Variants in SMIM18 observed in about 807,000 individuals in gnomAD.
The protein encoded by SMIM18 is small integral membrane protein 18.
In SMIM18, 4 loss-of-function variants were observed where a neutral mutation model predicts 5.9. That is an observed-to-expected ratio of 0.68 (90% CI 0.33 to 1.56). The LOEUF (loss-of-function observed/expected upper bound fraction) is 1.56, where lower values mean the gene tolerates loss of function less well. Ranked by LOEUF, SMIM18 falls within the 40% of genes most tolerant of loss-of-function variation. The pLI is 0.06. For synonymous variants in SMIM18, 37 were observed against 37.4 expected (o/e 0.99, Z 0.04); for missense variants, 89 against 109.7 (o/e 0.81, Z 0.84).
chr8:30,645,230 T>C (rs1443494500), intron 2 of SMIM18, 51 bp from the exon 3 acceptor site: 1 of 1,362,340 alleles, frequency 7.3e-7, no homozygotes, highest in Non-Finnish European at 9.7e-7. Context: ...GAGATTTGAA[T>C]TAACAGATCT....
Position 30,645,345 on chromosome 8 carries a change from T to C in SMIM18, c.36T>C (p.Ser12=), listed in dbSNP as rs1563508572. 6.5e-7 allele frequency: 1 copy of C among 1,535,720 alleles called. No individual in the cohort carries two copies. Among genetic ancestry groups the C allele is most frequent in the Non-Finnish European group, 8.7e-7 (1 of 1,146,908 alleles). The change falls in exon 3 of 3, where the codon TCT becomes TCC. Residue 12 remains serine (S), a synonymous_variant. Coordinates refer to ENST00000517349, the MANE Select transcript of SMIM18 (RefSeq NM_001206847.2). ...ASSHWNETTT[S]VYQYLGFQVQ... is the part of the protein sequence containing the mutation. ...GCCACTGGAATGAAACCACTACCTC[T>C]GTTTATCAGTACCTTGGTTTTCAAG...
In SMIM18 at chr8:30,645,372, T is replaced by C. The variant is rs961166732; in HGVS notation, c.63T>C (p.Val21=). The C allele has an allele frequency of 6.5e-7, 1 of 1,535,712 alleles. No individual in the cohort carries two copies. The highest frequency in any genetic ancestry group is 8.7e-7 in the Non-Finnish European group (1 of 1,146,898). ...TTTATCAGTACCTTGGTTTTCAAGT[T>C]CAAAAAATTTACCCTTTCCATGACA... ...TSVYQYLGFQ[V]QKIYPFHDNW... The change falls in exon 3 of 3, where the codon GTT becomes GTC. Residue 21 remains valine, a synonymous_variant. Transcript: ENST00000517349.
At chr8:30,643,817 A>G (rs1248806540) in intron 1 of SMIM18, 2 of 152,156 alleles carry the variant, frequency 1.3e-5, no homozygotes, top group African/African-American at 4.8e-5. Flanking sequence ...AAGAAAGAAA[A>G]AAAAAAAAGT....
chr8:30,644,667 C>T (rs1801995392), intron 2 of SMIM18, 95 bp downstream of exon 2: 1 of 152,174 alleles, frequency 6.6e-6, no homozygotes, highest in Non-Finnish European at 1.5e-5. Context: ...TAGATAACAG[C>T]TCACTGACCA....
chr8:30,645,132 T>C, intron 2 of SMIM18, 149 bp from the exon 3 acceptor site: 2 of 680,224 alleles, frequency 2.9e-6, no homozygotes, highest in South Asian at 2.0e-5. Flanking sequence ...TTGGCCCAGA[T>C]ATACAAAAAA....
Position 30,645,725 on chromosome 8 carries a change from AG to A in SMIM18, c.*132del, listed in dbSNP as rs1327463935. 5 of 983,662 alleles carry A rather than the reference AG, an allele frequency of 5.1e-6. No homozygotes were observed. Among genetic ancestry groups the A allele is most frequent in the South Asian group, 1.8e-5 (1 of 56,166 alleles). 60.9% of individuals were successfully genotyped at this position (983,662 alleles called of 1,614,324 possible). A position where few individuals can be genotyped will look rare whatever the true frequency, so the allele number is the denominator to read the frequency against. ...GAATGGTTAAAACATTTCTAGTAGA[AG>A]GGGAAAAAAAAGTTAAACATGCACT... On this transcript the variant is annotated 3_prime_UTR_variant, in exon 3 of 3. Transcript: ENST00000517349.
intron 1 of SMIM18, among the ~76,000 whole-genome samples, chr8:30,640,336 C>CA (rs2128725582): frequency 6.6e-6 from 1 of 152,322 alleles, no homozygotes; most frequent in Non-Finnish European, 1.5e-5. Flanking sequence ...GGTTCCAGAA[C>CA]AGTTCCAAGT....
intron 1 of SMIM18, among the ~76,000 whole-genome samples, chr8:30,639,103 G>T (rs1052012258): frequency 1.3e-5 from 2 of 152,084 alleles, no homozygotes; most frequent in Non-Finnish European, 2.9e-5. Context: ...TTATAAGAAA[G>T]TTTGTTATAT....
intron 1 of SMIM18, among the ~76,000 whole-genome samples, chr8:30,641,526 C>G (rs1251284885): frequency 6.6e-6 from 1 of 152,114 alleles, no homozygotes; most frequent in South Asian, 2.1e-4. Context: ...TCATGCCCAG[C>G]TAATTTTTAT....
chr8:30,638,686 T>G (rs1047909339), intron 1 of SMIM18, 47 bp downstream of exon 1: 1 of 152,616 alleles, frequency 6.6e-6, no homozygotes, highest in Non-Finnish European at 1.5e-5. Context: ...GTCCTTATGA[T>G]GCAATAGGAA....
rs5890531 is a variant in SMIM18, at chr8:30,644,750, A to AT, written c.-30+195dup. On this transcript the variant is annotated intron_variant, in intron 2 of 2. Transcript: ENST00000517349. ...ATTAGCAGTTAATTTCGGTATATGA[A>AT]TTTTTTTTTTTTTTTTTGAGAAACG... Among the ~76,000 whole-genome samples the AT allele has an allele frequency of 3.5e-4, 50 of 141,540 alleles. 1 individual carries two copies. Among genetic ancestry groups the AT allele is most frequent in the African/African-American group, 9.7e-4 (37 of 38,200 alleles). 92.9% of individuals were successfully genotyped at this position (141,540 alleles called of 152,430 possible).
intron 1 of SMIM18, among the ~76,000 whole-genome samples, chr8:30,639,667 T>C (rs1413102298): frequency 6.6e-6 from 1 of 152,220 alleles, no homozygotes; most frequent in African/African-American, 2.4e-5. Context: ...AGTTATTTAC[T>C]AGATGTTAGA....
intron 1 of SMIM18, chr8:30,643,488 T>C (rs1367709418): frequency 6.6e-6 from 1 of 152,182 alleles, no homozygotes; most frequent in Non-Finnish European, 1.5e-5. Context: ...AAAACCCGTT[T>C]CTACTAAAAA....
intron 1 of SMIM18, among the ~76,000 whole-genome samples, chr8:30,641,962 A>T (rs565246910): frequency 1.3e-5 from 2 of 152,370 alleles, no homozygotes; most frequent in South Asian, 4.1e-4. Context: ...CACAGCACCC[A>T]GCCAAGCATA....
intron 1 of SMIM18, among the ~76,000 whole-genome samples, chr8:30,639,022 C>T (rs1278649606): frequency 6.6e-6 from 1 of 152,144 alleles, no homozygotes; most frequent in Admixed American, 6.5e-5. Context: ...AAACCCAGAT[C>T]AAAAGCGAAT....
In SMIM18 at chr8:30,645,302, C is replaced by G. The variant is rs763808508; in HGVS notation, c.-8C>G. The stretch of plus-strand genomic sequence containing the variant: ...ATAGATTCAAAAGAGCAAGTGGAAT[C>G]TCTAAGAATGGCTTCCAGCCACTGG... On this transcript the variant is annotated 5_prime_UTR_variant, in exon 3 of 3. The change creates a new upstream start codon in the 5' untranslated region. Transcript: ENST00000517349. 6.5e-7 allele frequency: 1 copy of G among 1,532,804 alleles called. No homozygotes were observed. The highest frequency in any genetic ancestry group is 1.2e-5 in the South Asian group (1 of 83,534). The allele number at this position is 1,532,804 out of a possible 1,614,324, so 95.0% of individuals were successfully genotyped here. A position where few individuals can be genotyped will look rare whatever the true frequency, so the allele number is the denominator to read the frequency against.
rs549569558 is a variant in SMIM18 at position 30,645,362 on chromosome 8, G to C, written c.53G>C (p.Gly18Ala). 7 of 1,535,640 alleles carry C rather than the reference G, an allele frequency of 4.6e-6. No individual in the cohort carries two copies. In the African/African-American group the frequency reaches 9.6e-5, roughly 21 times the overall value. Residue 18 changes from glycine (G) to alanine (A), a missense_variant, in exon 3 of 3, where the codon GGT (glycine) becomes GCT (alanine). Transcript: ENST00000517349. ...ACTACCTCTGTTTATCAGTACCTTG[G>C]TTTTCAAGTTCAAAAAATTTACCCT... ...ETTTSVYQYL[G>A]FQVQKIYPFH...
intron 1 of SMIM18, among the ~76,000 whole-genome samples, chr8:30,640,044 C>T (rs183776268): frequency 3.2e-4 from 49 of 152,306 alleles, no homozygotes; most frequent in African/African-American, 1.1e-3. Flanking sequence ...GAAACCCCTA[C>T]CACCCACATT....
At position 30,640,556 on chromosome 8, in the gene SMIM18, G is replaced by C. The variant is rs189965170; in HGVS notation, c.-111+1917G>C. On this transcript the variant is annotated intron_variant, in intron 1 of 2. Transcript: ENST00000517349. The stretch of plus-strand genomic sequence containing the variant: ...AATCAAATTTTAAGGCATGGGTAGG[G>C]AAGTCCAGAAAAAGATTGTTTTACC... Among the ~76,000 whole-genome samples the C allele has an allele frequency of 3.8e-3, 579 of 152,268 alleles. 2 individuals carry two copies. The highest frequency in any genetic ancestry group is 0.013 in the African/African-American group (532 of 41,550).
Sources: allele counts gnomAD v4.1 joint callset (sites outside exome capture counted in the v4.1 genomes callset), GRCh38; gene constraint gnomAD v4.1.1; transcripts MANE v1.5; gene names NCBI Gene and HGNC (gene_info 2026-07-23, HGNC 2026-07-21).